Variants in BMP5 observed in about 807,000 individuals in gnomAD.
BMP5 encodes the protein bone morphogenetic protein 5.
A neutral mutation model predicts 46.6 loss-of-function variants in BMP5; 23 were observed. The observed-to-expected ratio is 0.49, with a 90% CI of 0.35 to 0.70. The LOEUF (loss-of-function observed/expected upper bound fraction) is 0.70, where lower values mean the gene tolerates loss of function less well. BMP5 is among the 30% of genes least tolerant of loss of function. The probability of loss-of-function intolerance (pLI) is 0.00; values close to 1 mark genes in which losing one functional copy is unlikely to be tolerated. For synonymous variants in BMP5, 204 were observed against 191.9 expected, an observed-to-expected ratio of 1.06 and a Z score of -0.52; for missense variants, 545 against 565.6, an observed-to-expected ratio of 0.96 and a Z score of 0.37.
In BMP5 at chr6:55,774,020, G is replaced by A. The variant is rs139564850; in HGVS notation, c.1027+29C>T. 3,496 of 1,607,816 alleles carry A rather than the reference G, an allele frequency of 2.2e-3. 3 individuals carry two copies. The highest frequency in any genetic ancestry group is 3.9e-3 in the Middle Eastern group (20 of 5,084). On this transcript the variant is annotated intron_variant, in intron 4 of 6. Coordinates refer to ENST00000370830, the MANE Select transcript of BMP5 (RefSeq NM_021073.4). ...AGCATACGACCCCATAACTCTCTGT[G>A]CATAACTGCTGCTCGGGTTTATTCT...
chr6:55,862,620 C>T (rs1318682700), intron 1 of BMP5, among the ~76,000 whole-genome samples: 1 of 152,116 alleles, frequency 6.6e-6, no homozygotes, highest in Admixed American at 6.6e-5. Flanking sequence ...CTCTTGTATC[C>T]TTATTTCCTG....
At chr6:55,758,253 G>T (rs1163136688) in intron 6 of BMP5, among the ~76,000 whole-genome samples, 2 of 151,754 alleles carry the variant, frequency 1.3e-5, no homozygotes, top group Non-Finnish European at 2.9e-5. Context: ...ACATAGTCTG[G>T]TATGTTTTCT....
chr6:55,764,580 A>G (rs1239413970), intron 4 of BMP5, among the ~76,000 whole-genome samples: 3 of 151,110 alleles, frequency 2.0e-5, no homozygotes, highest in East Asian at 1.9e-4. Context: ...TCAAAAAAAA[A>G]AAAAAAAGAA....
intron 2 of BMP5, among the ~76,000 whole-genome samples, chr6:55,808,994 T>C (rs1171813358): frequency 1.3e-5 from 2 of 152,216 alleles, no homozygotes; most frequent in Non-Finnish European, 2.9e-5. Flanking sequence ...TAGATGGAGT[T>C]GGTGCCTGCT....
rs1774523340 is a variant in BMP5, at chr6:55,754,253, C to T, written c.*1280G>A. On this transcript the variant is annotated 3_prime_UTR_variant, in exon 7 of 7. Coordinates refer to ENST00000370830, the MANE Select transcript of BMP5 (RefSeq NM_021073.4). The stretch of plus-strand genomic sequence containing the variant: ...AAAGTCAGTGTGTGTTAAAGAAAGG[C>T]CTTAGAGGGCATTCTAATAGATAGA... The T allele has an allele frequency of 6.6e-6, 1 of 151,666 alleles. No individual in the cohort carries two copies. The allele number at this position is 151,666 out of a possible 1,614,324, so 9.4% of individuals were successfully genotyped here. A position where few individuals can be genotyped will look rare whatever the true frequency, so the allele number is the denominator to read the frequency against.
chr6:55,810,255 T>C (rs1776096233), intron 2 of BMP5, among the ~76,000 whole-genome samples: 1 of 152,148 alleles, frequency 6.6e-6, no homozygotes, highest in Non-Finnish European at 1.5e-5. Flanking sequence ...TTTCAGAATA[T>C]CTAATTCCAT....
chr6:55,807,702 G>A (rs188450671), intron 2 of BMP5, among the ~76,000 whole-genome samples: 29 of 151,788 alleles, frequency 1.9e-4, no homozygotes, highest in Admixed American at 1.3e-3. Flanking sequence ...GTTTTTTTTC[G>A]GTTGGTAGGC....
chr6:55,872,757 C>A (rs1276124611), intron 1 of BMP5, among the ~76,000 whole-genome samples: 1 of 151,516 alleles, frequency 6.6e-6, no homozygotes, highest in Non-Finnish European at 1.5e-5. Context: ...ATGATATGAC[C>A]TGATTTTCTC....
intron 4 of BMP5, among the ~76,000 whole-genome samples, chr6:55,768,426 A>G (rs376995667): frequency 2.0e-5 from 3 of 152,022 alleles, no homozygotes; most frequent in African/African-American, 7.2e-5. Context: ...ATTACATAAG[A>G]TATTCAAAAC....
intron 1 of BMP5, among the ~76,000 whole-genome samples, chr6:55,820,598 T>G (rs1776383848): frequency 6.6e-6 from 1 of 151,936 alleles, no homozygotes; most frequent in African/African-American, 2.4e-5. Flanking sequence ...TTTTATTTTT[T>G]GTAGGGGCAG....
At chr6:55,769,791 T>C (rs1430671037) in intron 4 of BMP5, among the ~76,000 whole-genome samples, 2 of 151,964 alleles carry the variant, frequency 1.3e-5, no homozygotes, top group Non-Finnish European at 2.9e-5. Context: ...GAATGGATGT[T>C]GTGCTAGCAA....
intron 2 of BMP5, among the ~76,000 whole-genome samples, chr6:55,813,696 A>G (rs898442256): frequency 4.0e-4 from 61 of 151,846 alleles, no homozygotes; most frequent in African/African-American, 1.4e-3. Context: ...CTGAGGCAGG[A>G]GAACAGCGTG....
At chr6:55,836,362 T>A (rs1309128390) in intron 1 of BMP5, among the ~76,000 whole-genome samples, 1 of 152,138 alleles carries the variant, frequency 6.6e-6, no homozygotes, top group Non-Finnish European at 1.5e-5. Flanking sequence ...TATGTAACTA[T>A]TTTGCAAAGA....
intron 2 of BMP5, among the ~76,000 whole-genome samples, chr6:55,796,297 A>C (rs1437563058): frequency 1.3e-5 from 2 of 152,136 alleles, no homozygotes; most frequent in East Asian, 3.9e-4. Flanking sequence ...AACTTTCAGA[A>C]GCAAAATTAA....
intron 1 of BMP5, among the ~76,000 whole-genome samples, chr6:55,842,632 G>C (rs185643227): frequency 2.0e-5 from 3 of 151,626 alleles, no homozygotes; most frequent in Admixed American, 1.3e-4. Flanking sequence ...GCATTACGCC[G>C]GCCCCTCAAA....
At chr6:55,759,180 A>AAAAAAAAAAAAAAAAAAAAAAAC in intron 5 of BMP5, 65 bp from the exon 6 acceptor site, 1 of 789,868 alleles carries the variant, frequency 1.3e-6, no homozygotes, top group East Asian at 3.3e-5. Context: ...AAAAAAAAAA[A>AAAAAAAAAAAAAAAAAAAAAAAC]AAACAACAAG....
chr6:55,868,745 C>T (rs1425788784), intron 1 of BMP5, among the ~76,000 whole-genome samples: 1 of 152,120 alleles, frequency 6.6e-6, no homozygotes, highest in Non-Finnish European at 1.5e-5. Context: ...GTGAATACTC[C>T]ACCATTATTT....
intron 4 of BMP5, among the ~76,000 whole-genome samples, chr6:55,771,684 T>C (rs1189710040): frequency 6.6e-6 from 1 of 151,810 alleles, no homozygotes; most frequent in Non-Finnish European, 1.5e-5. Flanking sequence ...AGAAATGACT[T>C]GGGTTTTAAT....
At chr6:55,780,684 G>C (rs1775295678) in intron 3 of BMP5, among the ~76,000 whole-genome samples, 1 of 151,996 alleles carries the variant, frequency 6.6e-6, no homozygotes, top group African/African-American at 2.4e-5. Flanking sequence ...ACGGGGCTTA[G>C]AAAAGAAACG....
Sources: gnomAD v4.1 joint callset for allele counts (sites outside exome capture counted in the v4.1 genomes callset) on GRCh38, gnomAD v4.1.1 for gene constraint, MANE v1.5 for transcripts, NCBI Gene and HGNC (gene_info 2026-07-23, HGNC 2026-07-21) for gene names.